The following NCF2 variants were observed in gnomAD, a reference collection of about 807,000 sequenced individuals.
The protein encoded by NCF2 is neutrophil cytosol factor 2.
Under a neutral mutation model 70.9 loss-of-function variants are expected in NCF2, and 45 were observed. The ratio of observed to expected loss-of-function variants is 0.63; its 90% confidence interval spans 0.50 to 0.81. NCF2 has a LOEUF of 0.81. NCF2 is among the 40% of genes least tolerant of loss of function. The pLI is 0.00. For synonymous variants in NCF2, 203 were observed against 233.6 expected, an observed-to-expected ratio of 0.87 and a Z score of 1.19; for missense variants, 522 against 631.6, an observed-to-expected ratio of 0.83 and a Z score of 1.86.
At chr1:183,565,835 G>A in intron 9 of NCF2, 56 bp from the exon 10 acceptor site, 1 of 1,565,440 alleles carries the variant, frequency 6.4e-7, no homozygotes, top group South Asian at 1.1e-5. Context: ...CCAGGCAGGG[G>A]TGGATGTGGG....
intron 3 of NCF2, among the ~76,000 whole-genome samples, chr1:183,575,534 A>C (rs1672763685): frequency 6.6e-6 from 1 of 152,230 alleles, no homozygotes; most frequent in Non-Finnish European, 1.5e-5. Context: ...TGTGCTTCAC[A>C]ATTTACACAC....
chr1:183,578,145 G>A (rs1672886060), intron 2 of NCF2, among the ~76,000 whole-genome samples: 1 of 152,138 alleles, frequency 6.6e-6, no homozygotes, highest in African/African-American at 2.4e-5. Context: ...CATCAGGCCA[G>A]GCCAGCCTGG....
chr1:183,600,066 GGA>G, the NCF2 span, among the ~76,000 whole-genome samples: 1 of 152,134 alleles, frequency 6.6e-6, no homozygotes. Flanking sequence ...CTCAAAGTTT[GGA>G]GAGAGAGTAT....
At position 183,567,241 on chromosome 1, in the gene NCF2, C is replaced by T. The variant is rs1383634520; in HGVS notation, c.818G>A (p.Gly273Asp). 1 of 1,614,174 alleles carries T rather than the reference C, an allele frequency of 6.2e-7. No individual in the cohort carries two copies. Among genetic ancestry groups the T allele is most frequent in the Admixed American group, 1.7e-5 (1 of 60,018 alleles). The change falls in exon 8 of 15, where the codon GGC becomes GAC. Residue 273 changes from glycine to aspartate, a missense_variant. Coordinates refer to ENST00000367535, the MANE Select transcript of NCF2 (RefSeq NM_000433.4). ...CATGACCGTGGCCCAGTTATCATTG[C>T]CCTTCTTCAAGACAAAGACAATGTT... Reference protein sequence around the residue: ...PGNIVFVLKKGNDNWATVMFN... With the variant: ...PGNIVFVLKKDNDNWATVMFN...
the NCF2 span, among the ~76,000 whole-genome samples, chr1:183,600,194 G>T: frequency 1.3e-5 from 2 of 152,188 alleles, no homozygotes; most frequent in African/African-American, 4.8e-5. Flanking sequence ...AAACCCAACT[G>T]CCCAAACATC....
At chr1:183,594,366 G>C (rs1241500000), upstream of NCF2, among the ~76,000 whole-genome samples, 1 of 152,164 alleles carries the variant, frequency 6.6e-6, no homozygotes, top group African/African-American at 2.4e-5. Flanking sequence ...TGATGATCAC[G>C]CCACTGCATT....
chr1:183,575,935 G>GCTA (rs1672782446), intron 3 of NCF2, among the ~76,000 whole-genome samples: 1 of 152,198 alleles, frequency 6.6e-6, no homozygotes, highest in Admixed American at 6.5e-5. Flanking sequence ...GATTCAATGA[G>GCTA]CTACTGCCTT....
intron 14 of NCF2, among the ~76,000 whole-genome samples, chr1:183,557,090 A>G (rs1175370055): frequency 6.6e-6 from 1 of 152,210 alleles, no homozygotes; most frequent in Non-Finnish European, 1.5e-5. Flanking sequence ...AAATATATTC[A>G]GACTTCATAA....
chr1:183,599,469 T>TCTTTCTTC, the NCF2 span, among the ~76,000 whole-genome samples: 1 of 142,598 alleles, frequency 7.0e-6, no homozygotes, highest in Non-Finnish European at 1.5e-5. Flanking sequence ...TTTCTTTCTT[T>TCTTTCTTC]CTTTCTTTCT....
At chr1:183,567,606 A>G (rs542947550) in intron 7 of NCF2, 21 of 551,066 alleles carry the variant, frequency 3.8e-5, no homozygotes, top group Non-Finnish European at 7.0e-5. Context: ...AGGACTTACA[A>G]TCCTTGCCCT....
At chr1:183,564,603 G>GT (rs1408616382) in intron 10 of NCF2, among the ~76,000 whole-genome samples, 5 of 152,142 alleles carry the variant, frequency 3.3e-5, no homozygotes, top group African/African-American at 9.7e-5. Context: ...CACATGGGAA[G>GT]TTTTTTTCTA....
At chr1:183,580,927 CA>C (rs1174984038) in intron 2 of NCF2, among the ~76,000 whole-genome samples, 1 of 146,946 alleles carries the variant, frequency 6.8e-6, no homozygotes, top group Non-Finnish European at 1.5e-5. Context: ...TGAAATGAGC[CA>C]AAACCATGCC....
rs1269970535 is a variant in NCF2, at chr1:183,567,220, A to G, written c.839T>C (p.Val280Ala). 1 of 1,614,104 alleles carries G rather than the reference A, an allele frequency of 6.2e-7. No homozygotes were observed. Among genetic ancestry groups the G allele is most frequent in the East Asian group, 2.2e-5 (1 of 44,878 alleles). The part of the protein sequence containing the change: ...LKKGNDNWAT[V>A]MFNGQKGLVP... ...TCTGCATACCTGCCCGTTGAACATG[A>G]CCGTGGCCCAGTTATCATTGCCCTT... The change falls in exon 8 of 15, where the codon GTC becomes GCC. Residue 280 changes from valine to alanine, a missense_variant. Transcript: ENST00000367535.
intron 2 of NCF2, among the ~76,000 whole-genome samples, chr1:183,581,899 C>T (rs1001887279): frequency 1.1e-4 from 16 of 152,162 alleles, no homozygotes; most frequent in Admixed American, 2.6e-4. Flanking sequence ...GATCTCCTTA[C>T]CTCGTGATCC....
At chr1:183,600,966 A>G in the NCF2 span, among the ~76,000 whole-genome samples, 1 of 152,226 alleles carries the variant, frequency 6.6e-6, no homozygotes, top group African/African-American at 2.4e-5. Flanking sequence ...GAGGCACTAC[A>G]TGGACACACA....
At chr1:183,587,808 C>G (rs1018939163) in intron 1 of NCF2, among the ~76,000 whole-genome samples, 7 of 151,922 alleles carry the variant, frequency 4.6e-5, no homozygotes, top group African/African-American at 1.7e-4. Context: ...TTCTCTGAGA[C>G]TAGAATTCAG....
intron 1 of NCF2, among the ~76,000 whole-genome samples, chr1:183,589,337 A>G (rs765993517): frequency 1.3e-5 from 2 of 152,188 alleles, no homozygotes; most frequent in Non-Finnish European, 2.9e-5. Context: ...CTTAATTTTC[A>G]TGATATTTAG....
chr1:183,578,963 C>T (rs542300378), intron 2 of NCF2, among the ~76,000 whole-genome samples: 41 of 152,352 alleles, frequency 2.7e-4, no homozygotes, highest in Non-Finnish European at 4.3e-4. Flanking sequence ...CACTCAGTCC[C>T]CTGACCTGGC....
Position 183,560,288 on chromosome 1 carries a change from G to T in NCF2, c.1291-15C>A. On this transcript the variant is annotated splice_polypyrimidine_tract_variant and intron_variant, in intron 13 of 14. Transcript: ENST00000367535. ...CCTTGGTCACCCTGAAATAATAAAGGGCCTGTTAATTTTCCCAATTTCCTG... is the reference window on the plus strand; with the variant it reads ...CCTTGGTCACCCTGAAATAATAAAGTGCCTGTTAATTTTCCCAATTTCCTG... 1.2e-6 allele frequency: 2 copies of T among 1,614,024 alleles called. No individual in the cohort carries two copies. Among genetic ancestry groups the T allele is most frequent in the Non-Finnish European group, 1.7e-6 (2 of 1,179,962 alleles).
Sources: allele counts gnomAD v4.1 joint callset (sites outside exome capture counted in the v4.1 genomes callset), GRCh38; gene constraint gnomAD v4.1.1; transcripts MANE v1.5; gene names NCBI Gene and HGNC (gene_info 2026-07-23, HGNC 2026-07-21).